The following CCDC141 variants were observed in gnomAD, a reference collection of about 807,000 sequenced individuals.
The protein encoded by CCDC141 is coiled-coil domain-containing protein 141.
A neutral mutation model predicts 181.0 loss-of-function variants in CCDC141; 168 were observed. The ratio of observed to expected loss-of-function variants is 0.93; its 90% CI spans 0.82 to 1.05. The LOEUF (loss-of-function observed/expected upper bound fraction) is 1.05. CCDC141 is among the 50% of genes least tolerant of loss of function. The probability of loss-of-function intolerance (pLI) is 0.00; values close to 1 mark genes in which losing one functional copy is unlikely to be tolerated. For missense variants in CCDC141, 1,902 were observed against 1,788.5 expected (o/e 1.06, Z -1.14); for synonymous variants, 666 against 642.3 (o/e 1.04, Z -0.56).
chr2:178,904,145 G>A (rs981594556), intron 8 of CCDC141, among the ~76,000 whole-genome samples: 1 of 152,108 alleles, frequency 6.6e-6, no homozygotes, highest in Non-Finnish European at 1.5e-5. Context: ...GAAGCCTAGT[G>A]GACACCCCTA....
chr2:179,043,499 A>G (rs1035068123), intron 2 of CCDC141, among the ~76,000 whole-genome samples: 2 of 152,152 alleles, frequency 1.3e-5, no homozygotes, highest in East Asian at 3.9e-4. Flanking sequence ...TATCCACCAC[A>G]ATCAAATAGG....
chr2:178,993,890 A>C (rs558441375), intron 2 of CCDC141, among the ~76,000 whole-genome samples: 37 of 152,332 alleles, frequency 2.4e-4, no homozygotes, highest in Admixed American at 2.3e-3. Flanking sequence ...AGAGTAGTCA[A>C]ATCTTAAAGC....
intron 2 of CCDC141, among the ~76,000 whole-genome samples, chr2:178,994,299 G>A (rs1226489972): frequency 3.3e-5 from 5 of 152,200 alleles, no homozygotes; most frequent in Non-Finnish European, 5.9e-5. Flanking sequence ...TAGGAAGAGG[G>A]TCCGAAAGCC....
intron 17 of CCDC141, among the ~76,000 whole-genome samples, chr2:178,857,773 GC>G (rs1399111712): frequency 1.3e-5 from 2 of 152,110 alleles, no homozygotes; most frequent in African/African-American, 4.8e-5. Flanking sequence ...AGTCAGAAAA[GC>G]ATTAAAATTC....
chr2:179,011,970 G>A (rs1240512493), intron 2 of CCDC141, among the ~76,000 whole-genome samples: 1 of 152,066 alleles, frequency 6.6e-6, no homozygotes, highest in African/African-American at 2.4e-5. Flanking sequence ...TACAGCAAAG[G>A]TGGTGCTAAG....
At chr2:179,022,779 T>C (rs955200651) in intron 2 of CCDC141, among the ~76,000 whole-genome samples, 7 of 152,122 alleles carry the variant, frequency 4.6e-5, no homozygotes, top group Non-Finnish European at 7.4e-5. Context: ...TTACATTTTG[T>C]GTGTGTGTCC....
intron 2 of CCDC141, among the ~76,000 whole-genome samples, chr2:178,983,553 G>A (rs1691551828): frequency 6.8e-6 from 1 of 146,580 alleles, no homozygotes. Context: ...AGGCAAAGAA[G>A]TTGAAAACTT....
At chr2:178,936,349 G>A (rs762170967) in intron 6 of CCDC141, among the ~76,000 whole-genome samples, 1 of 152,098 alleles carries the variant, frequency 6.6e-6, no homozygotes, top group Non-Finnish European at 1.5e-5. Flanking sequence ...TTATTGAATA[G>A]GGAGTCTTTA....
chr2:179,007,996 A>T (rs994014984), intron 2 of CCDC141, among the ~76,000 whole-genome samples: 1 of 152,210 alleles, frequency 6.6e-6, no homozygotes, highest in Non-Finnish European at 1.5e-5. Flanking sequence ...TCAGGGTAAC[A>T]GTGTTCACAA....
chr2:179,041,419 C>CTGCATGTATGTCT (rs2043298770), intron 2 of CCDC141, among the ~76,000 whole-genome samples: 1 of 143,742 alleles, frequency 7.0e-6, no homozygotes, highest in Admixed American at 7.0e-5. Flanking sequence ...TGTTTGTTGG[C>CTGCATGTATGTCT]TGCATGTATG....
intron 11 of CCDC141, among the ~76,000 whole-genome samples, chr2:178,880,651 T>C (rs63381361): frequency 0.38 from 57,729 of 151,798 alleles, 12,327 homozygotes; most frequent in East Asian, 0.7. Flanking sequence ...TAGTGCTTGA[T>C]CCTGCACACC....
rs953677389 is a variant in CCDC141, at chr2:178,830,252, T to G, written c.*3921A>C. 3 of 152,222 alleles carry G rather than the reference T, an allele frequency of 2.0e-5. No homozygotes were observed. The highest frequency in any genetic ancestry group is 7.2e-5 in the African/African-American group (3 of 41,456). The allele number at this position is 152,222 out of a possible 1,614,324, so 9.4% of individuals were successfully genotyped here. A position where few individuals can be genotyped will look rare whatever the true frequency, so the allele number is the denominator to read the frequency against. On this transcript the variant is annotated 3_prime_UTR_variant, in exon 24 of 24. Transcript: ENST00000443758. ...GATCCAGGAACAACAATCCTGGACC[T>G]TTCCTCTTTCCTCCTTACTATTATT...
chr2:178,892,317 A>G lies in CCDC141; in HGVS notation c.1266-3649T>C, dbSNP rs183201912. 1.9e-3 allele frequency among the ~76,000 whole-genome samples: 287 copies of G among 152,158 alleles called. 6 individuals carry two copies. In the South Asian group the frequency reaches 0.021, roughly 11 times the overall value. ...CCCGTCCTGTGTGTACTCCACTCTC[A>G]CATGTGGCTTAGATCCTTTTCTCGG... On this transcript the variant is annotated intron_variant, in intron 8 of 23. Transcript: ENST00000443758.
chr2:178,929,030 C>T (rs1468184131), intron 6 of CCDC141, among the ~76,000 whole-genome samples: 1 of 152,152 alleles, frequency 6.6e-6, no homozygotes, highest in Non-Finnish European at 1.5e-5. Context: ...ACAAGTAAAA[C>T]AAATTATTCA....
At chr2:179,020,919 G>A (rs187682364) in intron 2 of CCDC141, among the ~76,000 whole-genome samples, 10 of 152,224 alleles carry the variant, frequency 6.6e-5, no homozygotes, top group East Asian at 1.9e-4. Flanking sequence ...AAGCAAATAC[G>A]TGGTATGATT....
intron 2 of CCDC141, among the ~76,000 whole-genome samples, chr2:178,982,488 T>G (rs949799966): frequency 2.0e-5 from 3 of 152,202 alleles, no homozygotes; most frequent in African/African-American, 7.2e-5. Context: ...GGAACAGCTC[T>G]GGTCTACAGC....
intron 2 of CCDC141, among the ~76,000 whole-genome samples, chr2:178,981,446 C>T: frequency 6.6e-6 from 1 of 151,180 alleles, no homozygotes; most frequent in Non-Finnish European, 1.5e-5. Context: ...AGAAATATAG[C>T]CAAAAATACC....
intron 2 of CCDC141, among the ~76,000 whole-genome samples, chr2:179,036,570 AG>A (rs1346235114): frequency 6.6e-6 from 1 of 152,348 alleles, no homozygotes; most frequent in African/African-American, 2.4e-5. Flanking sequence ...GGAAGTGCCA[AG>A]CGAGGCAGGG....
chr2:179,035,657 G>A (rs1324789120), intron 2 of CCDC141, among the ~76,000 whole-genome samples: 2 of 152,108 alleles, frequency 1.3e-5, no homozygotes, highest in African/African-American at 4.8e-5. Flanking sequence ...CTGTTACCTG[G>A]GAGCCTCAGT....
Sources: gnomAD v4.1 joint callset for allele counts (sites outside exome capture counted in the v4.1 genomes callset) on GRCh38, gnomAD v4.1.1 for gene constraint, MANE v1.5 for transcripts, NCBI Gene and HGNC (gene_info 2026-07-23, HGNC 2026-07-21) for gene names.